STARD3NL: variants seen among roughly 807,000 people sequenced by gnomAD.
STARD3NL encodes the protein STARD3 N-terminal-like protein.
Under a neutral mutation model 30.9 loss-of-function variants are expected in STARD3NL, and 17 were observed. The observed-to-expected ratio is 0.55, with a 90% confidence interval of 0.38 to 0.82. The LOEUF (loss-of-function observed/expected upper bound fraction) is 0.82. STARD3NL is among the 40% of genes least tolerant of loss of function. STARD3NL has a pLI of 0.00. For synonymous variants in STARD3NL, 112 were observed against 100.5 expected (o/e 1.11, Z -0.69); for missense variants, 234 against 277.6 (o/e 0.84, Z 1.12).
chr7:38,219,598 C>A lies in STARD3NL; in HGVS notation c.587C>A (p.Ala196Glu). Residue 196 changes from alanine to glutamate, a missense_variant, in exon 7 of 9, where the codon GCA becomes GAA. Physicochemically the swap from Ala to Glu is moderately radical, Grantham distance 107 (BLOSUM62 -1). Coordinates refer to ENST00000009041, the MANE Select transcript of STARD3NL (RefSeq NM_032016.4). Reference sequence around the variant, plus strand: ...ATAGTTCAGGATGCTTCAGAGAGGGCAGCACTTATACCTGGTGGTCTTTCT... The same window carrying A: ...ATAGTTCAGGATGCTTCAGAGAGGGAAGCACTTATACCTGGTGGTCTTTCT... ...LLIVQDASER[A>E]ALIPGGLSDG... 1.9e-6 allele frequency: 3 copies of A among 1,612,736 alleles called. No homozygotes were observed. Among genetic ancestry groups the A allele is most frequent in the South Asian group, 2.2e-5 (2 of 91,006 alleles).
intron 1 of STARD3NL, chr7:38,201,629 A>G (rs953692423): frequency 3.9e-5 from 6 of 152,160 alleles, no homozygotes; most frequent in Non-Finnish European, 7.4e-5. Flanking sequence ...TTGCTTTTTC[A>G]TAATGTAGGA....
At position 38,228,785 on chromosome 7, in the gene STARD3NL, TCTC is replaced by T. The variant is rs1786932240; in HGVS notation, c.650-12_650-10del. 6 of 1,609,508 alleles carry T rather than the reference TCTC, an allele frequency of 3.7e-6. No homozygotes were observed. Among genetic ancestry groups the T allele is most frequent in the Non-Finnish European group, 5.1e-6 (6 of 1,177,198 alleles). On this transcript the variant is annotated splice_polypyrimidine_tract_variant and intron_variant, in intron 7 of 8. Coordinates refer to ENST00000009041, the MANE Select transcript of STARD3NL (RefSeq NM_032016.4). ...ATGAAATACTTTTTCTTTGTCCCCT[TCTC>T]CACCACGTAGGATCTGAAGAAGCTG...
intron 1 of STARD3NL, among the ~76,000 whole-genome samples, chr7:38,206,088 A>G (rs1298050496): frequency 6.6e-6 from 1 of 152,240 alleles, no homozygotes; most frequent in African/African-American, 2.4e-5. Context: ...AGGAAGAGAA[A>G]TCAGGGTCAA....
In STARD3NL at chr7:38,219,653, C is replaced by T. The variant is rs770075356; in HGVS notation, c.642C>T (p.Ser214=). The change falls in exon 7 of 9, where the codon TCC becomes TCT. Residue 214 remains serine, a synonymous_variant. Transcript: ENST00000009041. ...SDGQFYSPPE[S]EAGSEEAEEK... ...GTCAGTTTTATTCCCCTCCTGAATCCGAAGCAGGTAAAAAACTTGATTATT... is the reference window on the plus strand; with the variant it reads ...GTCAGTTTTATTCCCCTCCTGAATCTGAAGCAGGTAAAAAACTTGATTATT... The T allele has an allele frequency of 4.2e-5, 67 of 1,611,430 alleles. No homozygotes were observed. Among genetic ancestry groups the T allele is most frequent in the Admixed American group, 1.0e-4 (6 of 59,922 alleles).
chr7:38,196,279 C>A (rs1464502953), intron 1 of STARD3NL, among the ~76,000 whole-genome samples: 1 of 151,814 alleles, frequency 6.6e-6, no homozygotes, highest in African/African-American at 2.4e-5. Context: ...ACTCCTTTTC[C>A]TGTGTTTTCC....
intron 2 of STARD3NL, 55 bp downstream of exon 2, chr7:38,207,784 G>T (rs1263511357): frequency 2.6e-6 from 4 of 1,510,388 alleles, no homozygotes; most frequent in East Asian, 2.3e-5. Flanking sequence ...AGACAACAGG[G>T]TTTTTTTGTT....
At position 38,226,152 on chromosome 7, in the gene STARD3NL, GTTTTTT is replaced by G. The variant is rs11286474; in HGVS notation, c.650-2630_650-2625del. Among the ~76,000 whole-genome samples, 6 of 102,468 alleles carry G rather than the reference GTTTTTT, an allele frequency of 5.9e-5. No homozygotes were observed. The East Asian group carries it at 1.4e-3, about 24-fold the overall frequency. The allele number at this position is 102,468 out of a possible 152,430, so 67.2% of individuals were successfully genotyped here. A position where few individuals can be genotyped will look rare whatever the true frequency, so the allele number is the denominator to read the frequency against. ...ACTTTCTTGAATCTTTGCCTATCTT[GTTTTTT>G]TTTTTTTTTTTTTTTTGATGAAAAG... On this transcript the variant is annotated intron_variant, in intron 7 of 8. Transcript: ENST00000009041.
chr7:38,181,258 T>C (rs975238521), intron 1 of STARD3NL, among the ~76,000 whole-genome samples: 7 of 152,222 alleles, frequency 4.6e-5, no homozygotes, highest in Non-Finnish European at 1.0e-4. Context: ...AATCTTACGC[T>C]TAGAAGTATG....
chr7:38,227,386 A>C (rs377302694), intron 7 of STARD3NL, among the ~76,000 whole-genome samples: 3 of 152,356 alleles, frequency 2.0e-5, no homozygotes, highest in African/African-American at 7.2e-5. Flanking sequence ...AAAGTCTTCA[A>C]CAGTTAAGTC....
At position 38,229,948 on chromosome 7, in the gene STARD3NL, T is replaced by C. The variant is rs1460517023; in HGVS notation, c.*43T>C. ...TGTGAAAAACCCTCACAGAAAGTCATCGAGGCAAAAAGAGGCAGGCAGTGG... is the reference window on the plus strand; with the variant it reads ...TGTGAAAAACCCTCACAGAAAGTCACCGAGGCAAAAAGAGGCAGGCAGTGG... On this transcript the variant is annotated 3_prime_UTR_variant, in exon 9 of 9. Transcript: ENST00000009041. The C allele has an allele frequency of 2.0e-5, 3 of 152,550 alleles. No homozygotes were observed. Among genetic ancestry groups the C allele is most frequent in the Non-Finnish European group, 1.5e-5 (1 of 68,038 alleles). 9.4% of individuals were successfully genotyped at this position (152,550 alleles called of 1,614,324 possible).
At position 38,207,534 on chromosome 7, in the gene STARD3NL, C is replaced by T. The variant is rs377074031; in HGVS notation, c.30C>T (p.Asn10=). 49 of 1,613,834 alleles carry T rather than the reference C, an allele frequency of 3.0e-5. No individual in the cohort carries two copies. Among genetic ancestry groups the T allele is most frequent in the South Asian group, 4.4e-5 (4 of 91,088 alleles). The change falls in exon 2 of 9, where the codon AAC becomes AAT. Residue 10 remains asparagine (N), a synonymous_variant. Transcript: ENST00000009041. MNHLPEDME[N]ALTGSQSSHA... ...ACCACCTGCCAGAAGACATGGAGAA[C>T]GCTCTCACCGGGAGCCAGAGCTCCC...
At chr7:38,222,786 A>C (rs533681492) in intron 7 of STARD3NL, among the ~76,000 whole-genome samples, 1 of 152,338 alleles carries the variant, frequency 6.6e-6, no homozygotes, top group East Asian at 1.9e-4. Flanking sequence ...GACAAAAGAC[A>C]GGTTACTAAT....
intron 1 of STARD3NL, among the ~76,000 whole-genome samples, chr7:38,187,397 C>A (rs1784506878): frequency 6.6e-6 from 1 of 152,098 alleles, no homozygotes; most frequent in Non-Finnish European, 1.5e-5. Context: ...TGATTTTTTT[C>A]CCTCTCTTCA....
intron 1 of STARD3NL, among the ~76,000 whole-genome samples, chr7:38,182,384 G>A (rs1784285579): frequency 6.6e-6 from 1 of 152,148 alleles, no homozygotes; most frequent in African/African-American, 2.4e-5. Flanking sequence ...TGTTCTCTGT[G>A]TTTATGGTAT....
intron 7 of STARD3NL, among the ~76,000 whole-genome samples, chr7:38,225,726 TTTTTC>T (rs1308744281): frequency 1.3e-5 from 2 of 152,220 alleles, no homozygotes; most frequent in African/African-American, 2.4e-5. Flanking sequence ...TGATACTTTT[TTTTTC>T]TTTTCTTATA....
chr7:38,210,505 A>G (rs1413603303), intron 2 of STARD3NL, among the ~76,000 whole-genome samples: 1 of 152,110 alleles, frequency 6.6e-6, no homozygotes, highest in African/African-American at 2.4e-5. Flanking sequence ...GAAGCCTAAC[A>G]CCACCTTAGT....
At chr7:38,223,030 C>T (rs1249977618) in intron 7 of STARD3NL, among the ~76,000 whole-genome samples, 2 of 152,112 alleles carry the variant, frequency 1.3e-5, no homozygotes, top group Non-Finnish European at 2.9e-5. Context: ...TTCCCTGGTA[C>T]ACATGAGGGC....
At chr7:38,183,780 A>G (rs1784339613) in intron 1 of STARD3NL, among the ~76,000 whole-genome samples, 1 of 152,228 alleles carries the variant, frequency 6.6e-6, no homozygotes. Context: ...TTTTAAATAA[A>G]ACAGGGACCT....
chr7:38,217,605 A>T (rs1025613967), intron 6 of STARD3NL, among the ~76,000 whole-genome samples: 4 of 152,228 alleles, frequency 2.6e-5, no homozygotes, highest in African/African-American at 9.6e-5. Context: ...TTTTCTCCCC[A>T]GACAGGTTGT....
Sources: gnomAD v4.1 joint callset for allele counts (sites outside exome capture counted in the v4.1 genomes callset) on GRCh38, gnomAD v4.1.1 for gene constraint, MANE v1.5 for transcripts, NCBI Gene and HGNC (gene_info 2026-07-23, HGNC 2026-07-21) for gene names.